Variants in PTPN13 observed in about 807,000 individuals in gnomAD.
PTPN13 encodes the protein protein tyrosine phosphatase non-receptor type 13, also known as tyrosine-protein phosphatase non-receptor type 13.
A neutral mutation model predicts 284.0 loss-of-function variants in PTPN13; 191 were observed. That is an observed-to-expected ratio of 0.67 (90% CI 0.60 to 0.76). The LOEUF (loss-of-function observed/expected upper bound fraction) is 0.76, where lower values mean the gene tolerates loss of function less well. Ranked by LOEUF, PTPN13 falls within the 30% of genes least tolerant of loss-of-function variation. The pLI is 0.00. For missense variants in PTPN13, 2,797 were observed against 2,939.9 expected, an observed-to-expected ratio of 0.95 and a Z score of 1.12; for synonymous variants, 986 against 1,022.3, an observed-to-expected ratio of 0.96 and a Z score of 0.68.
In PTPN13 at chr4:86,752,990, TATTTA is replaced by T; in HGVS notation, c.3167-13_3167-9del. 1.3e-6 allele frequency: 2 copies of T among 1,577,926 alleles called. No homozygotes were observed. The highest frequency in any genetic ancestry group is 1.7e-6 in the Non-Finnish European group (2 of 1,152,302). On this transcript the variant is annotated splice_polypyrimidine_tract_variant and intron_variant, in intron 19 of 47. Transcript: ENST00000411767. ...TCTGACCATCTTATGAAATGTCTAA[TATTTA>T]ATTTATGCCACAGGAATGACTATGC... is the stretch of plus-strand genomic sequence containing the variant.
intron 4 of PTPN13, among the ~76,000 whole-genome samples, chr4:86,687,045 T>A (rs1467866540): frequency 6.6e-6 from 1 of 152,192 alleles, no homozygotes; most frequent in Admixed American, 6.5e-5. Context: ...CCTGGCCTCT[T>A]CAAAAATTAT....
chr4:86,663,478 T>G (rs1020139319), intron 2 of PTPN13, among the ~76,000 whole-genome samples: 1 of 152,152 alleles, frequency 6.6e-6, no homozygotes, highest in Non-Finnish European at 1.5e-5. Context: ...GTTTCTTTCC[T>G]CCAGCTATAC....
In PTPN13 at chr4:86,745,139, G is replaced by A. The variant is rs757711127; in HGVS notation, c.2650+11G>A. ...ATGCCCAAGATATTGGTAAGGAGAA[G>A]CAGACTATTTCAGATGACTCCTGGG... is the stretch of plus-strand genomic sequence containing the variant. On this transcript the variant is annotated intron_variant, in intron 17 of 47. Coordinates refer to ENST00000411767, the MANE Select transcript of PTPN13 (RefSeq NM_080683.3). The A allele has an allele frequency of 3.1e-6, 5 of 1,600,500 alleles. No homozygotes were observed. Among genetic ancestry groups the A allele is most frequent in the African/African-American group, 1.3e-5 (1 of 74,270 alleles).
intron 40 of PTPN13, among the ~76,000 whole-genome samples, chr4:86,788,295 T>C (rs1026364756): frequency 1.3e-5 from 2 of 152,208 alleles, no homozygotes; most frequent in Non-Finnish European, 2.9e-5. Context: ...TTTCATCTTG[T>C]ATTTCTAGAA....
chr4:86,810,312 C>T (rs889277810), intron 46 of PTPN13, among the ~76,000 whole-genome samples: 6 of 151,638 alleles, frequency 4.0e-5, no homozygotes, highest in African/African-American at 1.2e-4. Flanking sequence ...TGTTATCACA[C>T]TTTAAAGATA....
At chr4:86,759,141 T>TC in intron 23 of PTPN13, 68 bp downstream of exon 23, 2 of 1,513,688 alleles carry the variant, frequency 1.3e-6, no homozygotes, top group Non-Finnish European at 1.8e-6. Flanking sequence ...TTAGTGATAT[T>TC]CGCACAAAAA....
chr4:86,685,929 T>G (rs1729402169), intron 3 of PTPN13, among the ~76,000 whole-genome samples: 2 of 152,202 alleles, frequency 1.3e-5, no homozygotes, highest in South Asian at 4.1e-4. Context: ...TAGCAAAGGT[T>G]TGAAAAAAAT....
At chr4:86,728,706 A>G (rs867491893) in intron 10 of PTPN13, among the ~76,000 whole-genome samples, 2 of 56,950 alleles carry the variant, frequency 3.5e-5, no homozygotes, top group Non-Finnish European at 6.6e-5. Flanking sequence ...AGATCTTCCT[A>G]TGTCCCTTTA....
intron 2 of PTPN13, among the ~76,000 whole-genome samples, chr4:86,639,718 T>C (rs1174866751): frequency 6.6e-6 from 1 of 151,934 alleles, no homozygotes; most frequent in Non-Finnish European, 1.5e-5. Context: ...TTAGGAGATA[T>C]ACCTAATGCT....
rs148354905 is a variant in PTPN13 at position 86,739,015 on chromosome 4, A to G, written c.2305-2619A>G. 5.3e-5 allele frequency among the ~76,000 whole-genome samples: 8 copies of G among 152,316 alleles called. No homozygotes were observed. In the East Asian group the frequency reaches 1.5e-3, roughly 29 times the overall value. Reference sequence around the variant, plus strand: ...CTTGATGAGCAAGTTTTCAATGTTAATGAAGTTTCCAATTTTTTTTATTTT... The same window carrying G: ...CTTGATGAGCAAGTTTTCAATGTTAGTGAAGTTTCCAATTTTTTTTATTTT... On this transcript the variant is annotated intron_variant, in intron 15 of 47. Transcript: ENST00000411767.
At chr4:86,792,301 A>G (rs1408713904) in intron 40 of PTPN13, among the ~76,000 whole-genome samples, 1 of 152,218 alleles carries the variant, frequency 6.6e-6, no homozygotes, top group African/African-American at 2.4e-5. Flanking sequence ...AGAAGACAAG[A>G]TTAGAGAAAA....
In PTPN13 at chr4:86,732,674, A is replaced by G. The variant is rs1457618690; in HGVS notation, c.1766A>G (p.Asp589Gly). Residue 589 changes from aspartate (D) to glycine (G), a missense_variant, in exon 12 of 48, where the codon GAT becomes GGT. Coordinates refer to ENST00000411767, the MANE Select transcript of PTPN13 (RefSeq NM_080683.3). ...GGGCAAAGACTGGAACTGACCTGTG[A>G]TACCAAAACTATATGTAAAGATGTG... ...LNGQRLELTC[D>G]TKTICKDVFD... The G allele has an allele frequency of 6.2e-7, 1 of 1,613,724 alleles. No homozygotes were observed. Among genetic ancestry groups the G allele is most frequent in the Non-Finnish European group, 8.5e-7 (1 of 1,179,708 alleles).
chr4:86,744,009 A>G (rs1736450070), intron 16 of PTPN13, among the ~76,000 whole-genome samples: 2 of 152,198 alleles, frequency 1.3e-5, no homozygotes, highest in Non-Finnish European at 2.9e-5. Flanking sequence ...CTTACCATAT[A>G]GGTCACAAAT....
chr4:86,677,300 A>T lies in PTPN13; in HGVS notation c.294+4757A>T, dbSNP rs180710196. Among the ~76,000 whole-genome samples, 27 of 151,666 alleles carry T rather than the reference A, an allele frequency of 1.8e-4. No individual in the cohort carries two copies. In the East Asian group the frequency reaches 4.9e-3, roughly 28 times the overall value. ...ACAACAACAAAATATATACTTAAAA[A>T]TAGATGGTAAATTTAGTCTTTTTTT... On this transcript the variant is annotated intron_variant, in intron 3 of 47. Transcript: ENST00000411767.
Position 86,750,540 on chromosome 4 carries a change from C to G in PTPN13, c.2721C>G (p.Ile907Met). The G allele has an allele frequency of 6.2e-7, 1 of 1,613,942 alleles. No individual in the cohort carries two copies. Among genetic ancestry groups the G allele is most frequent in the Admixed American group, 1.7e-5 (1 of 60,020 alleles). ...GAGGATTTAATATGGGACGAGCAAT[C>G]AGCACTGGCAGTCTGGCCAGCAGCA... The part of the protein sequence containing the change: ...SVRGFNMGRA[I>M]STGSLASSTL... Residue 907 changes from isoleucine to methionine, a missense_variant, in exon 18 of 48, where the codon ATC becomes ATG. Coordinates refer to ENST00000411767, the MANE Select transcript of PTPN13 (RefSeq NM_080683.3).
intron 1 of PTPN13, among the ~76,000 whole-genome samples, chr4:86,605,621 G>T (rs780058244): frequency 2.0e-5 from 3 of 151,742 alleles, no homozygotes; most frequent in Non-Finnish European, 4.4e-5. Flanking sequence ...TTGATGAATA[G>T]AAATAAAAAT....
intron 2 of PTPN13, among the ~76,000 whole-genome samples, chr4:86,662,571 C>T (rs1347638095): frequency 6.6e-6 from 1 of 152,150 alleles, no homozygotes; most frequent in East Asian, 1.9e-4. Flanking sequence ...ACCTCATGAT[C>T]CACCTGCCTC....
At chr4:86,638,237 A>T (rs1436281943) in intron 2 of PTPN13, among the ~76,000 whole-genome samples, 1 of 152,226 alleles carries the variant, frequency 6.6e-6, no homozygotes, top group Admixed American at 6.5e-5. Context: ...CAATATCGTG[A>T]AAATGGCCAT....
chr4:86,741,472 C>A (rs1736161365), intron 15 of PTPN13, among the ~76,000 whole-genome samples, 162 bp from the exon 16 acceptor site: 2 of 152,100 alleles, frequency 1.3e-5, no homozygotes, highest in African/African-American at 2.4e-5. Flanking sequence ...GAAAGACCTG[C>A]CCCCATGATT....
Sources: gnomAD v4.1 joint callset for allele counts (sites outside exome capture counted in the v4.1 genomes callset) on GRCh38, gnomAD v4.1.1 for gene constraint, MANE v1.5 for transcripts, NCBI Gene and HGNC (gene_info 2026-07-23, HGNC 2026-07-21) for gene names.